The following STARD4 variants were observed in gnomAD, a reference collection of about 807,000 sequenced individuals.
STARD4 encodes the protein stAR-related lipid transfer protein 4.
Under a neutral mutation model 24.9 loss-of-function variants are expected in STARD4, and 33 were observed. The observed-to-expected ratio is 1.32, with a 90% CI of 1.00 to 1.77. The LOEUF (loss-of-function observed/expected upper bound fraction) is 1.77, where lower values mean the gene tolerates loss of function less well. Ranked by LOEUF, STARD4 falls within the 40% of genes most tolerant of loss-of-function variation. STARD4 has a pLI of 0.00. For synonymous variants in STARD4, 88 were observed against 77.4 expected, an observed-to-expected ratio of 1.14 and a Z score of -0.72; for missense variants, 238 against 249.3, an observed-to-expected ratio of 0.95 and a Z score of 0.31.
At position 111,500,064 on chromosome 5, in the gene STARD4, C is replaced by T. The variant is rs146729717; in HGVS notation, c.440G>A (p.Arg147Gln). The change falls in exon 6 of 6, where the codon CGA becomes CAA. Residue 147 changes from arginine to glutamine, a missense_variant. Physicochemically the swap from Arg to Gln is conservative, Grantham distance 43. Transcript: ENST00000296632. ...CCAACCACAGGGATGGTTATATCCT[C>T]GAACAAATTCTGGTCTCTTTTCATC... is the stretch of plus-strand genomic sequence containing the variant. ...DWDEKRPEFV[R>Q]GYNHPCGWFC... is the part of the protein sequence containing the mutation. The T allele has an allele frequency of 4.7e-4, 755 of 1,613,634 alleles. 1 individual carries two copies. The highest frequency in any genetic ancestry group is 9.8e-4 in the Admixed American group (59 of 59,986).
intron 3 of STARD4, among the ~76,000 whole-genome samples, chr5:111,504,520 C>T (rs973418195): frequency 3.6e-4 from 55 of 152,038 alleles, no homozygotes; most frequent in African/African-American, 1.3e-3. Context: ...AGGAACAACA[C>T]ACATAACTTC....
intron 3 of STARD4, chr5:111,504,955 C>T: frequency 2.3e-6 from 1 of 439,952 alleles, no homozygotes; most frequent in South Asian, 1.7e-5. Flanking sequence ...CCCTTTTTGA[C>T]TTCTGTGCTG....
rs1756181018 is a variant in STARD4 at position 111,497,812 on chromosome 5, G to C, written c.*2074C>G. 6.6e-6 allele frequency: 1 copy of C among 151,878 alleles called. No individual in the cohort carries two copies. The highest frequency in any genetic ancestry group is 1.5e-5 in the Non-Finnish European group (1 of 67,926). 9.4% of individuals were successfully genotyped at this position (151,878 alleles called of 1,614,324 possible). A position where few individuals can be genotyped will look rare whatever the true frequency, so the allele number is the denominator to read the frequency against. The stretch of plus-strand genomic sequence containing the variant: ...GTATGAGATAACATATTTAATACAT[G>C]ATCACAAGATTCCTGAGCTTAGAAT... On this transcript the variant is annotated 3_prime_UTR_variant, in exon 6 of 6. Coordinates refer to ENST00000296632, the MANE Select transcript of STARD4 (RefSeq NM_139164.3).
Position 111,500,077 on chromosome 5 carries a change from G to C in STARD4, c.427C>G (p.Pro143Ala). The C allele has an allele frequency of 1.2e-6, 2 of 1,613,238 alleles. No individual in the cohort carries two copies. The highest frequency in any genetic ancestry group is 1.7e-6 in the Non-Finnish European group (2 of 1,179,412). The change falls in exon 6 of 6, where the codon CCA becomes GCA. Residue 143 changes from proline to alanine, a missense_variant. Pro to Ala is a conservative substitution (Grantham distance 27, BLOSUM62 -1). Transcript: ENST00000296632. ...TGGTTATATCCTCGAACAAATTCTG[G>C]TCTCTTTTCATCCCAGTCAAGACTT... is the stretch of plus-strand genomic sequence containing the variant. ...GISLDWDEKR[P>A]EFVRGYNHPC...
rs140358805 is a variant in STARD4, at chr5:111,500,108, T to C, written c.398-2A>G. ...TTTCATCCCAGTCAAGACTTATTCC[T>C]ATAAGGCAATTTTTAAAATAGCACT... On this transcript the variant is annotated splice_acceptor_variant, in intron 5 of 5. Coordinates refer to ENST00000296632, the MANE Select transcript of STARD4 (RefSeq NM_139164.3). LOFTEE classifies it high-confidence loss of function. 328 of 1,587,964 alleles carry C rather than the reference T, an allele frequency of 2.1e-4. No individual in the cohort carries two copies. The highest frequency in any genetic ancestry group is 4.4e-4 in the Admixed American group (25 of 57,396).
In STARD4 at chr5:111,497,161, A is replaced by G. The variant is rs1230576857; in HGVS notation, c.*2725T>C. On this transcript the variant is annotated 3_prime_UTR_variant, in exon 6 of 6. Transcript: ENST00000296632. ...CCTACAAGCTACAGAATAGTCAACC[A>G]TTTAACAAGAAGGCAGATTATATTC... The G allele has an allele frequency of 6.6e-6, 1 of 152,082 alleles. No individual in the cohort carries two copies. The highest frequency in any genetic ancestry group is 1.5e-5 in the Non-Finnish European group (1 of 67,924). 9.4% of individuals were successfully genotyped at this position (152,082 alleles called of 1,614,324 possible).
At position 111,498,648 on chromosome 5, in the gene STARD4, C is replaced by G. The variant is rs1402529100; in HGVS notation, c.*1238G>C. 1.3e-5 allele frequency: 2 copies of G among 152,006 alleles called. No homozygotes were observed. The highest frequency in any genetic ancestry group is 2.9e-5 in the Non-Finnish European group (2 of 67,958). 9.4% of individuals were successfully genotyped at this position (152,006 alleles called of 1,614,324 possible). On this transcript the variant is annotated 3_prime_UTR_variant, in exon 6 of 6. Coordinates refer to ENST00000296632, the MANE Select transcript of STARD4 (RefSeq NM_139164.3). ...AAGTACATTCAATTTAGAAAAGGAT[C>G]CTGGTAATTAATAAATCATTAAGAA... is the stretch of plus-strand genomic sequence containing the variant.
chr5:111,502,053 T>C lies in STARD4; in HGVS notation c.191A>G (p.Tyr64Cys), dbSNP rs1181637701. The C allele has an allele frequency of 3.7e-6, 6 of 1,613,998 alleles. No homozygotes were observed. The African/African-American group carries it at 5.3e-5, about 14-fold the overall frequency. ...TGGGCGTATATGGTCTATTATACTA[T>C]AGACAAGGTCATCTATAACACCTTG... is the stretch of plus-strand genomic sequence containing the variant. Reference protein sequence around the residue: ...KAQGVIDDLVYSIIDHIRPGP... With the variant: ...KAQGVIDDLVCSIIDHIRPGP... The change falls in exon 4 of 6, where the codon TAT becomes TGT. Residue 64 changes from tyrosine (Y) to cysteine (C), a missense_variant. Tyr to Cys is a radical substitution (Grantham distance 194, BLOSUM62 -2). Transcript: ENST00000296632.
At chr5:111,502,197 G>T in intron 3 of STARD4, 109 bp from the exon 4 acceptor site, 1 of 1,292,854 alleles carries the variant, frequency 7.7e-7, no homozygotes, top group East Asian at 2.4e-5. Context: ...GGCCGGGTAG[G>T]GTGGCTCATG....
At chr5:111,504,259 G>C (rs967722714) in intron 3 of STARD4, among the ~76,000 whole-genome samples, 3 of 152,050 alleles carry the variant, frequency 2.0e-5, no homozygotes, top group African/African-American at 7.2e-5. Context: ...ATTGACAACA[G>C]CCTAAAAATC....
chr5:111,500,678 G>A (rs899832855), intron 5 of STARD4: 9 of 1,335,044 alleles, frequency 6.7e-6, no homozygotes, highest in Non-Finnish European at 8.6e-6. Flanking sequence ...ACTTCTCTGT[G>A]TATGACCAAG....
In STARD4 at chr5:111,500,876, CA is replaced by C. The variant is rs563165482; in HGVS notation, c.397+125del. ...TTTACTCCCTAGAGTTTAGCACTTG[CA>C]AAAAATGTTAGTGATTACAGAGTCA... On this transcript the variant is annotated intron_variant, in intron 5 of 5. Coordinates refer to ENST00000296632, the MANE Select transcript of STARD4 (RefSeq NM_139164.3). 33 of 1,584,950 alleles carry C rather than the reference CA, an allele frequency of 2.1e-5. No homozygotes were observed. The African/African-American group carries it at 3.8e-4, about 18-fold the overall frequency.
chr5:111,500,669 C>T (rs958524713), intron 5 of STARD4: 9 of 1,294,374 alleles, frequency 7.0e-6, no homozygotes, highest in Non-Finnish European at 8.8e-6. Flanking sequence ...AAATCTAGTA[C>T]TTCTCTGTGT....
chr5:111,502,237 G>A, intron 3 of STARD4, 149 bp from the exon 4 acceptor site: 1 of 893,688 alleles, frequency 1.1e-6, no homozygotes, highest in Non-Finnish European at 1.6e-6. Flanking sequence ...GGGAGGCTGA[G>A]GTGAGTGGAT....
At chr5:111,510,877 C>T (rs1351223808) in intron 1 of STARD4, among the ~76,000 whole-genome samples, 2 of 152,100 alleles carry the variant, frequency 1.3e-5, no homozygotes, top group Non-Finnish European at 2.9e-5. Context: ...AAAGTGAATG[C>T]CATAAAAATC....
rs1365917014 is a variant in STARD4, at chr5:111,506,362, CCAAA to C, written c.119_122del (p.Val40GlyfsTer19). On this transcript the variant is annotated frameshift_variant, in exon 3 of 6. Coordinates refer to ENST00000296632, the MANE Select transcript of STARD4 (RefSeq NM_139164.3). LOFTEE classifies it high-confidence loss of function. ...CATTAAATTCTTCTGAGGGTTTTCT[CCAAA>C]CAGTTACATCTTTCTAGAAAAATAA... The C allele has an allele frequency of 2.0e-6, 3 of 1,499,046 alleles. No homozygotes were observed. Among genetic ancestry groups the C allele is most frequent in the East Asian group, 2.3e-5 (1 of 43,106 alleles). The allele number at this position is 1,499,046 out of a possible 1,614,324, so 92.9% of individuals were successfully genotyped here.
Position 111,500,117 on chromosome 5 carries a change from A to G in STARD4, c.398-11T>C. Reference sequence around the variant, plus strand: ...AGTCAAGACTTATTCCTATAAGGCAATTTTTAAAATAGCACTATTAATAGC... The same window carrying G: ...AGTCAAGACTTATTCCTATAAGGCAGTTTTTAAAATAGCACTATTAATAGC... On this transcript the variant is annotated splice_polypyrimidine_tract_variant and intron_variant, in intron 5 of 5. Transcript: ENST00000296632. 5 of 1,584,496 alleles carry G rather than the reference A, an allele frequency of 3.2e-6. No homozygotes were observed. Among genetic ancestry groups the G allele is most frequent in the Non-Finnish European group, 3.4e-6 (4 of 1,161,706 alleles).
chr5:111,505,622 T>C (rs1425622720), intron 3 of STARD4, among the ~76,000 whole-genome samples: 1 of 152,224 alleles, frequency 6.6e-6, no homozygotes, highest in Non-Finnish European at 1.5e-5. Flanking sequence ...TATTCAGGTT[T>C]ATAATTTTTA....
At chr5:111,511,508 A>C (rs1241175543) in intron 1 of STARD4, among the ~76,000 whole-genome samples, 1 of 152,226 alleles carries the variant, frequency 6.6e-6, no homozygotes, top group African/African-American at 2.4e-5. Flanking sequence ...GGCATACTTT[A>C]GATATCTTGA....
Sources: allele counts gnomAD v4.1 joint callset (sites outside exome capture counted in the v4.1 genomes callset), GRCh38; gene constraint gnomAD v4.1.1; transcripts MANE v1.5; gene names NCBI Gene and HGNC (gene_info 2026-07-23, HGNC 2026-07-21).